The following RBFOX1 variants were observed in gnomAD, a reference collection of about 807,000 sequenced individuals.
The protein encoded by RBFOX1 is RNA binding protein fox-1 homolog 1.
A neutral mutation model predicts 57.7 loss-of-function variants in RBFOX1; 8 were observed. That is an observed-to-expected ratio of 0.14 (90% CI 0.08 to 0.25). The LOEUF is 0.25. Ranked by LOEUF, RBFOX1 falls within the 10% of genes least tolerant of loss-of-function variation. RBFOX1 has a pLI of 1.00. For missense variants in RBFOX1, 611 were observed against 548.5 expected (o/e 1.11, Z -1.14); for synonymous variants, 326 against 222.4 (o/e 1.47, Z -4.15).
At chr16:7,298,036 T>G (rs901214829) in intron 4 of RBFOX1, among the ~76,000 whole-genome samples, 6 of 152,190 alleles carry the variant, frequency 3.9e-5, no homozygotes, top group Admixed American at 3.3e-4. Flanking sequence ...GTTTGATTTT[T>G]CACATGTGAA....
chr16:5,597,326 C>A lies in RBFOX1; in HGVS notation c.259-1576C>A, dbSNP rs183116736. On this transcript the variant is annotated intron_variant, in intron 2 of 2. Coordinates refer to the RBFOX1 transcript ENST00000585867. ...CTCTCTCTTTTGAGACAGGGTCTTG[C>A]TTGAGACACACACGACCCTCTCTCT... Among the ~76,000 whole-genome samples the A allele has an allele frequency of 2.5e-3, 373 of 146,470 alleles. 1 individual carries two copies. The highest frequency in any genetic ancestry group is 9.0e-3 in the African/African-American group (356 of 39,582).
Position 6,807,123 on chromosome 16 carries a change from C to T in RBFOX1, c.-16+152473C>T, listed in dbSNP as rs557570610. 3.9e-4 allele frequency among the ~76,000 whole-genome samples: 60 copies of T among 151,938 alleles called. No homozygotes were observed. The South Asian group carries it at 5.8e-3, about 15-fold the overall frequency. Reference sequence around the variant, plus strand: ...TGCTGGGATTACAGGTGTAAGCCACCGTGCCCAGCCTCTTTTTTTCCTTTT... The same window carrying T: ...TGCTGGGATTACAGGTGTAAGCCACTGTGCCCAGCCTCTTTTTTTCCTTTT... On this transcript the variant is annotated intron_variant, in intron 3 of 15. Coordinates refer to ENST00000550418, the MANE Select transcript of RBFOX1 (RefSeq NM_018723.4).
At chr16:7,057,275 AAAC>A (rs1286426259) in intron 4 of RBFOX1, among the ~76,000 whole-genome samples, 2 of 152,180 alleles carry the variant, frequency 1.3e-5, no homozygotes, top group Non-Finnish European at 2.9e-5. Flanking sequence ...TTTGGAATGC[AAAC>A]AATAGAGACA....
In RBFOX1 at chr16:6,296,828, CGGTACAGACCCCAAGAGAG is replaced by C. The variant is rs2078173417; in HGVS notation, c.-126-20163_-126-20145del. 2.6e-5 allele frequency among the ~76,000 whole-genome samples: 4 copies of C among 152,084 alleles called. No individual in the cohort carries two copies. In the South Asian group the frequency reaches 8.3e-4, roughly 32 times the overall value. On this transcript the variant is annotated intron_variant, in intron 1 of 15. Transcript: ENST00000550418. ...TGCATGTGTTACCACACCGAGGTACCGGTACAGACCCCAAGAGAGGGTTCTTGGATCTTGTGCAAGAAAG... is the reference window on the plus strand; with the variant it reads ...TGCATGTGTTACCACACCGAGGTACCGGTTCTTGGATCTTGTGCAAGAAAG...
chr16:5,270,918 T>C (rs1400765277), intron 1 of RBFOX1: 1 of 414,334 alleles, frequency 2.4e-6, no homozygotes, highest in Admixed American at 3.1e-5. Context: ...TTGAATGAGC[T>C]GATGGGTATG....
rs866598747 is a variant in RBFOX1, at chr16:6,450,833, A to T, written c.-64+133776A>T. Among the ~76,000 whole-genome samples, 4 of 35,036 alleles carry T rather than the reference A, an allele frequency of 1.1e-4. 1 individual carries two copies. The highest frequency in any genetic ancestry group is 2.0e-4 in the Non-Finnish European group (4 of 19,800). The allele number at this position is 35,036 out of a possible 152,430, so 23.0% of individuals were successfully genotyped here. A position where few individuals can be genotyped will look rare whatever the true frequency, so the allele number is the denominator to read the frequency against. ...TATATATATACATATATATATATATATATGTGTATATATATATATATATAT... is the reference window on the plus strand; with the variant it reads ...TATATATATACATATATATATATATTTATGTGTATATATATATATATATAT... On this transcript the variant is annotated intron_variant, in intron 2 of 15. Transcript: ENST00000550418.
intron 5 of RBFOX1, among the ~76,000 whole-genome samples, chr16:7,568,681 C>G (rs12932386): frequency 0.39 from 59,150 of 151,268 alleles, 12,055 homozygotes; most frequent in South Asian, 0.54. Context: ...GTCAGGAGAT[C>G]GAGACCATCC....
chr16:6,584,401 T>G (rs1439882860), intron 2 of RBFOX1, among the ~76,000 whole-genome samples: 1 of 150,322 alleles, frequency 6.7e-6, no homozygotes, highest in Non-Finnish European at 1.5e-5. Flanking sequence ...ATGGTCTTGC[T>G]CTTTCACCCA....
At chr16:6,400,414 T>C (rs2093021375) in intron 2 of RBFOX1, among the ~76,000 whole-genome samples, 1 of 152,184 alleles carries the variant, frequency 6.6e-6, no homozygotes, top group Admixed American at 6.5e-5. Flanking sequence ...TGATGATATC[T>C]CAAGGCTTAT....
chr16:5,612,471 A>G (rs1450459575), intron 3 of RBFOX1, among the ~76,000 whole-genome samples: 1 of 152,208 alleles, frequency 6.6e-6, no homozygotes, highest in East Asian at 1.9e-4. Context: ...ACAGAGATTG[A>G]GCAGATACTC....
chr16:5,832,146 A>G (rs948459722), intron 3 of RBFOX1, among the ~76,000 whole-genome samples: 1 of 152,200 alleles, frequency 6.6e-6, no homozygotes, highest in Non-Finnish European at 1.5e-5. Flanking sequence ...CTGGCTAAGT[A>G]GGAAGCCAGG....
At chr16:5,456,585 T>G (rs1261853539) in intron 1 of RBFOX1, among the ~76,000 whole-genome samples, 1 of 152,212 alleles carries the variant, frequency 6.6e-6, no homozygotes, top group Non-Finnish European at 1.5e-5. Flanking sequence ...CATCCTTGCT[T>G]TGTTCCTTTT....
chr16:6,645,800 G>T (rs753817735), intron 2 of RBFOX1, among the ~76,000 whole-genome samples: 1 of 152,104 alleles, frequency 6.6e-6, no homozygotes, highest in Non-Finnish European at 1.5e-5. Context: ...GGCGTGTATT[G>T]GATATGCCTA....
At chr16:6,668,491 G>A (rs2098746051) in intron 3 of RBFOX1, among the ~76,000 whole-genome samples, 1 of 152,190 alleles carries the variant, frequency 6.6e-6, no homozygotes, top group African/African-American at 2.4e-5. Flanking sequence ...AGCTTAACAA[G>A]GCACTGGTAT....
At chr16:5,553,682 TA>T (rs1649230278) in intron 2 of RBFOX1, among the ~76,000 whole-genome samples, 1 of 61,916 alleles carries the variant, frequency 1.6e-5, no homozygotes, top group Non-Finnish European at 3.7e-5. Flanking sequence ...TATATGTGTG[TA>T]TATACACATA....
chr16:5,248,031 C>G lies in RBFOX1; in HGVS notation c.219+7926C>G, dbSNP rs190898649. ...GGAGGGAGGAAATGGCAACTTGTTG[C>G]CCTGTTCTAACATTTTCCTAAGATG... is the stretch of plus-strand genomic sequence containing the variant. On this transcript the variant is annotated intron_variant, in intron 1 of 2. Coordinates refer to the RBFOX1 transcript ENST00000585867. Among the ~76,000 whole-genome samples, 15 of 152,284 alleles carry G rather than the reference C, an allele frequency of 9.9e-5. No homozygotes were observed. In the East Asian group the frequency reaches 2.5e-3, roughly 25 times the overall value.
At chr16:5,258,185 G>GT (rs2062637636) in intron 1 of RBFOX1, among the ~76,000 whole-genome samples, 1 of 151,992 alleles carries the variant, frequency 6.6e-6, no homozygotes, top group African/African-American at 2.4e-5. Flanking sequence ...CCTGGCCAAG[G>GT]TTTTTTATTA....
chr16:5,466,496 C>T (rs1004340882), intron 1 of RBFOX1, among the ~76,000 whole-genome samples: 1 of 152,172 alleles, frequency 6.6e-6, no homozygotes, highest in African/African-American at 2.4e-5. Context: ...AGAGAGTACT[C>T]ACAGAGTGAG....
intron 3 of RBFOX1, among the ~76,000 whole-genome samples, chr16:6,925,758 G>A (rs1030343155): frequency 2.6e-5 from 4 of 151,866 alleles, no homozygotes; most frequent in South Asian, 2.1e-4. Flanking sequence ...AGCAAAGAAC[G>A]GGAAATCCCC....
Sources: gnomAD v4.1 joint callset for allele counts (sites outside exome capture counted in the v4.1 genomes callset) on GRCh38, gnomAD v4.1.1 for gene constraint, MANE v1.5 for transcripts, NCBI Gene and HGNC (gene_info 2026-07-23, HGNC 2026-07-21) for gene names.